Variants in CTBP2 observed in about 807,000 individuals in gnomAD.
The protein encoded by CTBP2 is C-terminal-binding protein 2.
CTBP2 carries 30 observed loss-of-function variants against 80.3 expected under a neutral mutation model. The ratio of observed to expected loss-of-function variants is 0.37; its 90% CI spans 0.28 to 0.51. The LOEUF (loss-of-function observed/expected upper bound fraction) is 0.51. Ranked by LOEUF, CTBP2 falls within the 20% of genes least tolerant of loss-of-function variation. The pLI is 0.93. For synonymous variants in CTBP2, 594 were observed against 587.4 expected, an observed-to-expected ratio of 1.01 and a Z score of -0.16; for missense variants, 1,212 against 1,375.3, an observed-to-expected ratio of 0.88 and a Z score of 1.88.
chr10:125,124,679 A>T (rs962732668), intron 1 of CTBP2, among the ~76,000 whole-genome samples: 1 of 152,246 alleles, frequency 6.6e-6, no homozygotes, highest in African/African-American at 2.4e-5. Context: ...CAAAAATTAT[A>T]TTCTACATAC....
chr10:125,008,278 A>G (rs908891376), intron 1 of CTBP2, among the ~76,000 whole-genome samples: 2 of 151,996 alleles, frequency 1.3e-5, no homozygotes, highest in Non-Finnish European at 2.9e-5. Flanking sequence ...AACGCACTAG[A>G]TTTTATGGAA....
chr10:125,095,127 T>C (rs1354247724), intron 2 of CTBP2, among the ~76,000 whole-genome samples: 4 of 152,118 alleles, frequency 2.6e-5, no homozygotes, highest in African/African-American at 7.2e-5. Flanking sequence ...TCTTTTAGGG[T>C]AGGTCTCTCA....
upstream of CTBP2, chr10:125,161,244 G>C (rs908752227): frequency 6.6e-6 from 1 of 151,956 alleles, no homozygotes; most frequent in Non-Finnish European, 1.5e-5. Context: ...CGGGCGCGGC[G>C]GGCACTCCCT....
At chr10:125,130,662 C>T (rs1856021586) in intron 1 of CTBP2, among the ~76,000 whole-genome samples, 1 of 152,136 alleles carries the variant, frequency 6.6e-6, no homozygotes, top group Non-Finnish European at 1.5e-5. Flanking sequence ...AGTGCGTGGA[C>T]ACTGGAAAAG....
At chr10:125,157,643 G>A (rs1213072786) in intron 1 of CTBP2, among the ~76,000 whole-genome samples, 3 of 150,418 alleles carry the variant, frequency 2.0e-5, no homozygotes, top group Non-Finnish European at 1.5e-5. Flanking sequence ...GGGGGGCAGG[G>A]TAGGGGGAGG....
At chr10:125,137,714 C>T (rs750583199) in intron 1 of CTBP2, among the ~76,000 whole-genome samples, 2 of 152,216 alleles carry the variant, frequency 1.3e-5, no homozygotes, top group Non-Finnish European at 2.9e-5. Flanking sequence ...TTCCTTTCAA[C>T]AAGGACTGTC....
At chr10:125,130,041 C>CTTTTTT (rs10700714) in intron 1 of CTBP2, among the ~76,000 whole-genome samples, 6 of 143,172 alleles carry the variant, frequency 4.2e-5, no homozygotes, top group Non-Finnish European at 3.0e-5. Context: ...GGATTTCTCT[C>CTTTTTT]TTTTTTTTTT....
At chr10:125,079,870 A>G (rs1846909003) in intron 2 of CTBP2, among the ~76,000 whole-genome samples, 1 of 152,202 alleles carries the variant, frequency 6.6e-6, no homozygotes, top group Non-Finnish European at 1.5e-5. Context: ...GATGAAAACC[A>G]CTTCCACGAT....
intron 2 of CTBP2, among the ~76,000 whole-genome samples, chr10:125,097,603 G>A (rs1849729600): frequency 1.3e-5 from 2 of 152,034 alleles, no homozygotes; most frequent in Admixed American, 6.6e-5. Context: ...CCTCACGTGG[G>A]GTCCATACCA....
chr10:125,156,523 A>C (rs956598708), intron 1 of CTBP2, among the ~76,000 whole-genome samples: 1 of 151,786 alleles, frequency 6.6e-6, no homozygotes, highest in South Asian at 2.1e-4. Flanking sequence ...CAGCAGGGCT[A>C]CTCCCTCACT....
intron 8 of CTBP2, among the ~76,000 whole-genome samples, chr10:124,989,996 C>T (rs1009249810): frequency 3.3e-5 from 5 of 151,578 alleles, no homozygotes; most frequent in African/African-American, 7.3e-5. Context: ...CATAGGCCTC[C>T]CAGAGTCCTG....
At chr10:125,123,403 T>A (rs1056166949) in intron 1 of CTBP2, among the ~76,000 whole-genome samples, 1 of 152,216 alleles carries the variant, frequency 6.6e-6, no homozygotes, top group Non-Finnish European at 1.5e-5. Context: ...ATGTTACAAC[T>A]GGAGGGCACC....
intron 1 of CTBP2, among the ~76,000 whole-genome samples, chr10:125,121,338 G>A (rs994337360): frequency 3.9e-5 from 6 of 152,192 alleles, no homozygotes; most frequent in African/African-American, 1.4e-4. Context: ...TTACTCACAC[G>A]GCTTGGTGAA....
At chr10:125,155,359 GCT>G (rs1409723223) in intron 1 of CTBP2, among the ~76,000 whole-genome samples, 1 of 151,892 alleles carries the variant, frequency 6.6e-6, no homozygotes, top group African/African-American at 2.4e-5. Flanking sequence ...CAATGGCCTG[GCT>G]CTCTCCCTAT....
exon 1 of CTBP2, chr10:125,160,452 G>T (rs891317365): frequency 6.7e-6 from 1 of 150,276 alleles, no homozygotes; most frequent in Non-Finnish European, 1.5e-5. Context: ...CCTCAGCGCG[G>T]CATGGCTCCC....
intron 1 of CTBP2, among the ~76,000 whole-genome samples, chr10:125,117,890 G>A (rs1001641708): frequency 6.6e-6 from 1 of 152,308 alleles, no homozygotes; most frequent in South Asian, 2.1e-4. Context: ...ACTTCATTAT[G>A]ACCCCCTGAT....
intron 1 of CTBP2, among the ~76,000 whole-genome samples, chr10:125,010,668 A>C (rs1955777726): frequency 6.6e-6 from 1 of 152,212 alleles, no homozygotes; most frequent in South Asian, 2.1e-4. Context: ...CCCAGCTGAA[A>C]ATGATTTAAC....
At chr10:125,069,576 T>G (rs1028385396) in intron 2 of CTBP2, among the ~76,000 whole-genome samples, 3 of 152,202 alleles carry the variant, frequency 2.0e-5, no homozygotes. Context: ...CCTGAGATCG[T>G]GCCATTGCAC....
At chr10:125,070,026 A>G (rs1342333538) in intron 2 of CTBP2, among the ~76,000 whole-genome samples, 1 of 151,450 alleles carries the variant, frequency 6.6e-6, no homozygotes, top group Non-Finnish European at 1.5e-5. Context: ...CAGCAGTTTT[A>G]TATATATATA....
Sources: gnomAD v4.1 joint callset for allele counts (sites outside exome capture counted in the v4.1 genomes callset) on GRCh38, gnomAD v4.1.1 for gene constraint, MANE v1.5 for transcripts, NCBI Gene and HGNC (gene_info 2026-07-23, HGNC 2026-07-21) for gene names.